COL24A1: variants seen among roughly 807,000 people sequenced by gnomAD.
COL24A1 encodes the protein collagen alpha-1(XXIV) chain.
Under a neutral mutation model 253.9 loss-of-function variants are expected in COL24A1, and 224 were observed. The ratio of observed to expected loss-of-function variants is 0.88; its 90% confidence interval spans 0.79 to 0.99. COL24A1 has a LOEUF of 0.99. COL24A1 is among the 50% of genes least tolerant of loss of function. The pLI, the probability that COL24A1 is intolerant of heterozygous loss-of-function variation, is 0.00. For synonymous variants in COL24A1, 685 were observed against 673.7 expected, an observed-to-expected ratio of 1.02 and a Z score of -0.26; for missense variants, 2,131 against 2,068.5, an observed-to-expected ratio of 1.03 and a Z score of -0.59.
At chr1:85,963,015 G>A (rs1208456971) in intron 23 of COL24A1, among the ~76,000 whole-genome samples, 1 of 151,992 alleles carries the variant, frequency 6.6e-6, no homozygotes. Flanking sequence ...CATGTTGAAA[G>A]GATATAATAT....
rs111242472 is a variant in COL24A1, at chr1:86,004,958, T to C, written c.2310+12193A>G. Among the ~76,000 whole-genome samples, 632 of 152,330 alleles carry C rather than the reference T, an allele frequency of 4.1e-3. 1 individual carries two copies. The highest frequency in any genetic ancestry group is 0.014 in the African/African-American group (584 of 41,576). Reference sequence around the variant, plus strand: ...AGGAATATATGTGAAACTCAGGTGATACACTGGGCACCTTCTTGTACTCCT... The same window carrying C: ...AGGAATATATGTGAAACTCAGGTGACACACTGGGCACCTTCTTGTACTCCT... On this transcript the variant is annotated intron_variant, in intron 19 of 59. Coordinates refer to ENST00000370571, the MANE Select transcript of COL24A1 (RefSeq NM_152890.7).
chr1:85,786,747 G>C (rs1457331748), intron 47 of COL24A1, among the ~76,000 whole-genome samples: 1 of 152,164 alleles, frequency 6.6e-6, no homozygotes, highest in Non-Finnish European at 1.5e-5. Context: ...ATAAAGCCTA[G>C]GTGTGAAGTA....
In COL24A1 at chr1:85,847,791, A is replaced by C; in HGVS notation, c.3355-19T>G. The C allele has an allele frequency of 6.4e-7, 1 of 1,562,644 alleles. No individual in the cohort carries two copies. Among genetic ancestry groups the C allele is most frequent in the Non-Finnish European group, 8.8e-7 (1 of 1,137,340 alleles). On this transcript the variant is annotated intron_variant, in intron 38 of 59. Coordinates refer to ENST00000370571, the MANE Select transcript of COL24A1 (RefSeq NM_152890.7). ...TATCACCCTGTGGATGACATTATTA[A>C]GAGAGAAAAGCAAGAAAAAAATTTA... is the stretch of plus-strand genomic sequence containing the variant.
At chr1:86,087,337 G>A (rs1703135397) in intron 7 of COL24A1, among the ~76,000 whole-genome samples, 1 of 152,058 alleles carries the variant, frequency 6.6e-6, no homozygotes, top group African/African-American at 2.4e-5. Flanking sequence ...AAATACTGAT[G>A]GGCCATATAA....
chr1:85,985,136 A>G (rs1174385382), intron 20 of COL24A1, among the ~76,000 whole-genome samples: 4 of 151,878 alleles, frequency 2.6e-5, no homozygotes, highest in Admixed American at 1.3e-4. Flanking sequence ...AGTGCTTGAT[A>G]GGTTTTTTTT....
intron 8 of COL24A1, 144 bp from the exon 9 acceptor site, chr1:86,059,318 T>C: frequency 2.1e-6 from 1 of 481,540 alleles, no homozygotes; most frequent in Non-Finnish European, 3.7e-6. Context: ...ATCACCTACG[T>C]GAAGGAAAAT....
chr1:85,983,327 T>C (rs1038865400), intron 20 of COL24A1, among the ~76,000 whole-genome samples: 3 of 151,988 alleles, frequency 2.0e-5, no homozygotes, highest in Admixed American at 2.0e-4. Flanking sequence ...ATTCCCAAAC[T>C]GTGTAGTTCT....
chr1:85,798,379 G>T (rs750576541), intron 47 of COL24A1, among the ~76,000 whole-genome samples: 1 of 152,006 alleles, frequency 6.6e-6, no homozygotes, highest in Admixed American at 6.6e-5. Flanking sequence ...AAGCGGCGGG[G>T]TTGGGGGTCG....
chr1:86,063,257 T>C (rs1701224396), intron 8 of COL24A1, among the ~76,000 whole-genome samples: 2 of 152,150 alleles, frequency 1.3e-5, no homozygotes, highest in South Asian at 4.1e-4. Flanking sequence ...GAAATTTATT[T>C]GCATTTCCTC....
chr1:86,123,427 T>C (rs1487966401), intron 3 of COL24A1, among the ~76,000 whole-genome samples: 9 of 152,056 alleles, frequency 5.9e-5, no homozygotes, highest in Non-Finnish European at 1.2e-4. Context: ...ACAAGATATA[T>C]TAAATAGTTA....
At chr1:86,111,400 C>A (rs1480816550) in intron 5 of COL24A1, among the ~76,000 whole-genome samples, 2 of 151,944 alleles carry the variant, frequency 1.3e-5, no homozygotes, top group Non-Finnish European at 2.9e-5. Flanking sequence ...ACTTTTATGT[C>A]TAGCTAGAGG....
chr1:86,107,893 A>T (rs550818903), intron 5 of COL24A1, among the ~76,000 whole-genome samples: 1 of 152,332 alleles, frequency 6.6e-6, no homozygotes, highest in African/African-American at 2.4e-5. Context: ...CACAGTTATC[A>T]AATTCTTAAA....
intron 6 of COL24A1, among the ~76,000 whole-genome samples, chr1:86,090,009 C>T (rs868479013): frequency 1.3e-5 from 2 of 152,200 alleles, no homozygotes; most frequent in African/African-American, 4.8e-5. Context: ...ACAGGAGGCA[C>T]TTCCGCTTCT....
chr1:86,066,056 A>G (rs927850028), intron 7 of COL24A1, among the ~76,000 whole-genome samples: 1 of 152,168 alleles, frequency 6.6e-6, no homozygotes, highest in Non-Finnish European at 1.5e-5. Flanking sequence ...GTAGAAAAGT[A>G]CAACAAAAGA....
intron 24 of COL24A1, among the ~76,000 whole-genome samples, chr1:85,927,821 C>G (rs374437753): frequency 0.019 from 2,309 of 120,848 alleles, 151 homozygotes; most frequent in African/African-American, 0.062. Flanking sequence ...AGCAGGGGCA[C>G]ACTGACACCT....
intron 18 of COL24A1, among the ~76,000 whole-genome samples, chr1:86,018,840 G>A (rs919594239): frequency 2.0e-5 from 3 of 152,014 alleles, no homozygotes; most frequent in Admixed American, 6.6e-5. Flanking sequence ...GTGTATTTAC[G>A]AACAACCTCA....
intron 10 of COL24A1, among the ~76,000 whole-genome samples, chr1:86,056,117 CA>C (rs10714167): frequency 0.59 from 81,749 of 138,006 alleles, 24,083 homozygotes; most frequent in East Asian, 0.78. Context: ...GACTCTGTTT[CA>C]AAAAAAAAAA....
intron 24 of COL24A1, among the ~76,000 whole-genome samples, chr1:85,916,323 A>G (rs1685893750): frequency 6.6e-6 from 1 of 152,180 alleles, no homozygotes; most frequent in Admixed American, 6.5e-5. Flanking sequence ...TACTTCATGT[A>G]AGTATTAAAA....
chr1:85,998,468 G>A (rs966603839), intron 19 of COL24A1, among the ~76,000 whole-genome samples: 2 of 151,966 alleles, frequency 1.3e-5, no homozygotes, highest in Non-Finnish European at 2.9e-5. Flanking sequence ...TGTAATTAAG[G>A]GCATGTTTCT....
Sources: allele counts gnomAD v4.1 joint callset (sites outside exome capture counted in the v4.1 genomes callset), GRCh38; gene constraint gnomAD v4.1.1; transcripts MANE v1.5; gene names NCBI Gene and HGNC (gene_info 2026-07-23, HGNC 2026-07-21).